Variants in GCC2 observed in about 807,000 individuals in gnomAD.
GCC2 encodes the protein GRIP and coiled-coil domain containing 2.
Under a neutral mutation model 210.6 loss-of-function variants are expected in GCC2, and 120 were observed. The ratio of observed to expected loss-of-function variants is 0.57; its 90% confidence interval spans 0.49 to 0.66. The LOEUF (loss-of-function observed/expected upper bound fraction) is 0.66, where lower values mean the gene tolerates loss of function less well. Among genes scored for constraint, GCC2 ranks in the 30% least tolerant of loss-of-function variants. The probability of loss-of-function intolerance (pLI) is 0.00; values close to 1 mark genes in which losing one functional copy is unlikely to be tolerated. For missense variants in GCC2, 1,868 were observed against 1,871.9 expected, an observed-to-expected ratio of 1.00 and a Z score of 0.04; for synonymous variants, 703 against 652.7, an observed-to-expected ratio of 1.08 and a Z score of -1.17.
chr2:108,467,249 A>G (rs1573363441), intron 4 of GCC2, among the ~76,000 whole-genome samples: 1 of 152,180 alleles, frequency 6.6e-6, no homozygotes, highest in East Asian at 1.9e-4. Flanking sequence ...AGTTTTTCCT[A>G]GACTCTTGAT....
intron 4 of GCC2, among the ~76,000 whole-genome samples, chr2:108,466,931 T>C (rs1206524139): frequency 1.3e-5 from 2 of 152,208 alleles, no homozygotes; most frequent in African/African-American, 2.4e-5. Context: ...CCTAATATTA[T>C]GGTTAAAAAT....
At chr2:108,501,623 G>T (rs1232642778) in intron 22 of GCC2, among the ~76,000 whole-genome samples, 1 of 151,946 alleles carries the variant, frequency 6.6e-6, no homozygotes, top group Admixed American at 6.6e-5. Flanking sequence ...TAACTAAACT[G>T]ATAAGAGTCA....
intron 16 of GCC2, among the ~76,000 whole-genome samples, 159 bp downstream of exon 16, chr2:108,486,807 C>T (rs1682164219): frequency 6.6e-6 from 1 of 152,190 alleles, no homozygotes; most frequent in Admixed American, 6.5e-5. Context: ...ACCCCAATCC[C>T]ATGCCAACCC....
chr2:108,504,411 T>C (rs549029897), intron 22 of GCC2, among the ~76,000 whole-genome samples: 3 of 152,254 alleles, frequency 2.0e-5, no homozygotes, highest in Admixed American at 1.3e-4. Context: ...TTAACACATA[T>C]TAGGGGCCCA....
At chr2:108,507,413 C>CA (rs1683247743) in intron 22 of GCC2, 147 bp from the exon 23 acceptor site, 2 of 376,028 alleles carry the variant, frequency 5.3e-6, no homozygotes, top group South Asian at 2.5e-5. Flanking sequence ...GAACCCCCCC[C>CA]CCCAAAAAAA....
intron 9 of GCC2, among the ~76,000 whole-genome samples, chr2:108,477,673 A>G (rs1681613216): frequency 6.6e-6 from 1 of 152,220 alleles, no homozygotes; most frequent in Non-Finnish European, 1.5e-5. Context: ...TTTTGTGAAA[A>G]ATATTTTTTA....
chr2:108,476,087 G>GTC (rs944255357), intron 9 of GCC2, among the ~76,000 whole-genome samples: 1 of 105,052 alleles, frequency 9.5e-6, no homozygotes, highest in Non-Finnish European at 1.8e-5. Context: ...TTTTGATGAA[G>GTC]TCTCTCTCTC....
Position 108,471,358 on chromosome 2 carries a change from T to C in GCC2, c.2029T>C (p.Ser677Pro). 1 of 1,610,522 alleles carries C rather than the reference T, an allele frequency of 6.2e-7. No individual in the cohort carries two copies. Among genetic ancestry groups the C allele is most frequent in the Non-Finnish European group, 8.5e-7 (1 of 1,179,096 alleles). Residue 677 changes from serine (S) to proline (P), a missense_variant, in exon 6 of 23, where the codon TCT (serine) becomes CCT (proline). Ser to Pro is a moderately conservative substitution (Grantham distance 74). Around this residue, in one of 3 missense-constraint regions of GCC2, gnomAD observed 1,847 missense variants for 1,765.2 expected, o/e 1.05. Coordinates refer to ENST00000309863, the MANE Select transcript of GCC2 (RefSeq NM_181453.4). ...ACTTATGGTTCAAATGAAAGTTCTC[T>C]CTGAAGACAAAGAAGTATTGTCAGC... ...EKLMVQMKVLSEDKEVLSAEV... is the reference protein window; with the variant it reads ...EKLMVQMKVLPEDKEVLSAEV...
intron 21 of GCC2, among the ~76,000 whole-genome samples, chr2:108,498,195 T>C (rs1295335548): frequency 4.9e-5 from 6 of 122,604 alleles, no homozygotes; most frequent in Non-Finnish European, 8.6e-5. Flanking sequence ...TTTTTTTTTT[T>C]TTTTTTTTTT....
intron 4 of GCC2, among the ~76,000 whole-genome samples, chr2:108,455,904 T>C (rs767932413): frequency 1.3e-5 from 2 of 152,236 alleles, no homozygotes; most frequent in Non-Finnish European, 2.9e-5. Context: ...CTTTGTTATA[T>C]TGATTTGTTT....
chr2:108,472,200 A>T, intron 6 of GCC2, 84 bp downstream of exon 6: 1 of 972,724 alleles, frequency 1.0e-6, no homozygotes, highest in Non-Finnish European at 1.4e-6. Context: ...TTACACCTTG[A>T]CGTCAAAAGT....
intron 13 of GCC2, 42 bp downstream of exon 13, chr2:108,484,353 C>G: frequency 8.6e-7 from 1 of 1,161,432 alleles, no homozygotes; most frequent in Non-Finnish European, 1.2e-6. Context: ...ATTATTTCAT[C>G]ATAACAACTT....
chr2:108,466,379 G>A (rs1243384120), intron 4 of GCC2, among the ~76,000 whole-genome samples: 6 of 151,670 alleles, frequency 4.0e-5, no homozygotes, highest in African/African-American at 1.5e-4. Flanking sequence ...GTTTCTTACT[G>A]GTTTGTAGAA....
chr2:108,507,430 G>A, intron 22 of GCC2, 130 bp from the exon 23 acceptor site: 2 of 480,382 alleles, frequency 4.2e-6, no homozygotes, highest in Non-Finnish European at 6.4e-6. Context: ...AAAAAGGCAT[G>A]TAATCAGTAA....
intron 9 of GCC2, among the ~76,000 whole-genome samples, chr2:108,478,416 T>G (rs1350314714): frequency 6.6e-6 from 1 of 152,316 alleles, no homozygotes; most frequent in East Asian, 1.9e-4. Flanking sequence ...TCAGGATGCA[T>G]CATTATAAAG....
Position 108,508,623 on chromosome 2 carries a change from G to A in GCC2, c.*993G>A, listed in dbSNP as rs891216477. 1 of 151,834 alleles carries A rather than the reference G, an allele frequency of 6.6e-6. No homozygotes were observed. Among genetic ancestry groups the A allele is most frequent in the East Asian group, 1.9e-4 (1 of 5,174 alleles). 9.4% of individuals were successfully genotyped at this position (151,834 alleles called of 1,614,324 possible). On this transcript the variant is annotated 3_prime_UTR_variant, in exon 23 of 23. Coordinates refer to ENST00000309863, the MANE Select transcript of GCC2 (RefSeq NM_181453.4). ...CTCAGCATTGGATCTAAATATAAAA[G>A]TGGTGCTTTCAGTGTTTTTGGCAGA...
rs530123004 is a variant in GCC2 at position 108,500,879 on chromosome 2, C to T, written c.4984+1125C>T. Among the ~76,000 whole-genome samples the T allele has an allele frequency of 4.9e-3, 746 of 152,214 alleles. 3 individuals carry two copies. The highest frequency in any genetic ancestry group is 0.027 in the Middle Eastern group (8 of 292). On this transcript the variant is annotated intron_variant, in intron 22 of 22. Coordinates refer to ENST00000309863, the MANE Select transcript of GCC2 (RefSeq NM_181453.4). ...TTCAATGTTTATTGGATTTCTCTGT[C>T]ACCTATACCTAGTTTATGTTCATTT...
chr2:108,507,707 T>A lies in GCC2; in HGVS notation c.*77T>A. ...GGTTCACGTATATTACCACAATTCT[T>A]TTGTCAAAAAGTGTGTATATATGTT... On this transcript the variant is annotated 3_prime_UTR_variant, in exon 23 of 23. Coordinates refer to ENST00000309863, the MANE Select transcript of GCC2 (RefSeq NM_181453.4). The A allele has an allele frequency of 9.6e-7, 1 of 1,044,964 alleles. No homozygotes were observed. Among genetic ancestry groups the A allele is most frequent in the South Asian group, 1.4e-5 (1 of 73,646 alleles). 64.7% of individuals were successfully genotyped at this position (1,044,964 alleles called of 1,614,324 possible). A position where few individuals can be genotyped will look rare whatever the true frequency, so the allele number is the denominator to read the frequency against.
chr2:108,469,376 G>A (rs1681065898), intron 5 of GCC2: 1 of 435,834 alleles, frequency 2.3e-6, no homozygotes, highest in South Asian at 4.4e-5. Context: ...TATCTCTTTA[G>A]TTCTACGGTA....
Sources: allele counts gnomAD v4.1 joint callset (sites outside exome capture counted in the v4.1 genomes callset), GRCh38; gene constraint gnomAD v4.1.1; regional missense constraint gnomAD v4.1.1; transcripts MANE v1.5; gene names NCBI Gene and HGNC (gene_info 2026-07-23, HGNC 2026-07-21).